DNM2: variants seen among roughly 807,000 people sequenced by gnomAD.
DNM2 encodes dynamin 2.
DNM2 carries 15 observed loss-of-function variants against 99.0 expected under a neutral mutation model. That is an observed-to-expected ratio of 0.15 (90% CI 0.10 to 0.23). DNM2 has a LOEUF of 0.23. DNM2 is among the 10% of genes least tolerant of loss of function. The probability of loss-of-function intolerance (pLI) is 1.00; values close to 1 mark genes in which losing one functional copy is unlikely to be tolerated. For missense variants in DNM2, 742 were observed against 1,189.4 expected, an observed-to-expected ratio of 0.62 and a Z score of 5.53; for synonymous variants, 525 against 481.2, an observed-to-expected ratio of 1.09 and a Z score of -1.19.
chr19:10,757,980 C>T (rs1158270553), intron 1 of DNM2, among the ~76,000 whole-genome samples: 1 of 151,614 alleles, frequency 6.6e-6, no homozygotes, highest in African/African-American at 2.4e-5. Flanking sequence ...AAGAAATTCC[C>T]TGTGCCTAGA....
At chr19:10,752,937 C>T (rs1048988763) in intron 1 of DNM2, among the ~76,000 whole-genome samples, 4 of 152,106 alleles carry the variant, frequency 2.6e-5, no homozygotes, top group Admixed American at 1.3e-4. Flanking sequence ...CACAGTGAGA[C>T]TCTGTCTGTT....
Position 10,820,015 on chromosome 19 carries a change from C to T in DNM2, c.1707C>T (p.Asn569=). 2 of 1,614,192 alleles carry T rather than the reference C, an allele frequency of 1.2e-6. No homozygotes were observed. The highest frequency in any genetic ancestry group is 1.7e-6 in the Non-Finnish European group (2 of 1,180,038). The change falls in exon 16 of 21, where the codon AAC becomes AAT. Residue 569 remains asparagine (N), a synonymous_variant. Transcript: ENST00000389253. The surrounding 1 kb of genome is among the most constrained non-coding windows in gnomAD (Gnocchi z 4.3). ...KEKKYMLPLD[N]LKIRDVEKGF... is the part of the protein sequence containing the mutation. ...AGAAGTACATGCTGCCTCTGGACAA[C>T]CTCAAGATCCGTGATGTGGAGAAGG...
intron 15 of DNM2, among the ~76,000 whole-genome samples, chr19:10,814,314 A>G (rs917336050): frequency 2.6e-5 from 4 of 152,010 alleles, no homozygotes; most frequent in African/African-American, 9.6e-5. Flanking sequence ...AAAATACAAA[A>G]TTAATCTGGC....
At chr19:10,759,336 C>T (rs1244055028) in intron 1 of DNM2, among the ~76,000 whole-genome samples, 3 of 152,184 alleles carry the variant, frequency 2.0e-5, no homozygotes, top group Admixed American at 2.0e-4. Flanking sequence ...GGACATGAAA[C>T]ACATCCTATT....
Position 10,831,165 on chromosome 19 carries a change from G to T in DNM2, c.*118G>T. 1.4e-6 allele frequency: 2 copies of T among 1,444,634 alleles called. No homozygotes were observed. The highest frequency in any genetic ancestry group is 2.7e-5 in the East Asian group (1 of 37,616). The allele number at this position is 1,444,634 out of a possible 1,614,324, so 89.5% of individuals were successfully genotyped here. The stretch of plus-strand genomic sequence containing the variant: ...ACCAGGCTCCCAGTGGGCAGCCCTG[G>T]CCTCTTCCTTAACGCTGGCCCCGGT... On this transcript the variant is annotated 3_prime_UTR_variant, in exon 21 of 21. Transcript: ENST00000389253. The surrounding 1 kb of genome is among the most constrained non-coding windows in gnomAD (Gnocchi z 4.3).
In DNM2 at chr19:10,811,294, C is replaced by T. The variant is rs1276921389; in HGVS notation, c.1558-970C>T. On this transcript the variant is annotated intron_variant, in intron 14 of 20. Coordinates refer to ENST00000389253, the MANE Select transcript of DNM2 (RefSeq NM_001005361.3). This position sits in a 1 kb window ranked among gnomAD's most constrained non-coding sequence, Gnocchi z 5.4. ...TGGCCCTGGTTCAGAATGTCAGGCC[C>T]GGGGTGGGTCGGGGTAGTCCGGATG... 6 of 188,378 alleles carry T rather than the reference C, an allele frequency of 3.2e-5. No homozygotes were observed. Among genetic ancestry groups the T allele is most frequent in the Non-Finnish European group, 3.4e-5 (3 of 88,964 alleles). 11.7% of individuals were successfully genotyped at this position (188,378 alleles called of 1,614,324 possible).
Position 10,812,191 on chromosome 19 carries a change from G to A in DNM2, c.1558-73G>A, listed in dbSNP as rs1214630263. On this transcript the variant is annotated intron_variant, in intron 14 of 20. Coordinates refer to ENST00000389253, the MANE Select transcript of DNM2 (RefSeq NM_001005361.3). The surrounding 1 kb of genome is among the most constrained non-coding windows in gnomAD (Gnocchi z 4.0). ...TCCCTGGCTTCCCACTGAGCTGTGG[G>A]CAAGGCTGCTGCGCTGGGGGATGGC... 1 of 1,365,264 alleles carries A rather than the reference G, an allele frequency of 7.3e-7. No individual in the cohort carries two copies. Among genetic ancestry groups the A allele is most frequent in the Non-Finnish European group, 1.0e-6 (1 of 989,080 alleles). The allele number at this position is 1,365,264 out of a possible 1,614,324, so 84.6% of individuals were successfully genotyped here. A position where few individuals can be genotyped will look rare whatever the true frequency, so the allele number is the denominator to read the frequency against.
At chr19:10,778,847 G>T (rs940510742) in intron 5 of DNM2, among the ~76,000 whole-genome samples, 1 of 152,058 alleles carries the variant, frequency 6.6e-6, no homozygotes, top group Admixed American at 6.6e-5. Context: ...ATTAGATCAG[G>T]TTCAGGTTCA....
rs1038784768 is a variant in DNM2, at chr19:10,817,841, C to T, written c.1672-2139C>T. Among the ~76,000 whole-genome samples, 3 of 149,640 alleles carry T rather than the reference C, an allele frequency of 2.0e-5. No homozygotes were observed. The highest frequency in any genetic ancestry group is 7.4e-5 in the African/African-American group (3 of 40,490). Reference sequence around the variant, plus strand: ...TGCGCGCGCGCGCACGCGTGCGTGCCGGCAGCACCAGGAAGGCGGCCACTG... The same window carrying T: ...TGCGCGCGCGCGCACGCGTGCGTGCTGGCAGCACCAGGAAGGCGGCCACTG... On this transcript the variant is annotated intron_variant, in intron 15 of 20. Transcript: ENST00000389253. The surrounding 1 kb of genome is among the most constrained non-coding windows in gnomAD (Gnocchi z 4.6).
rs907771608 is a variant in DNM2, at chr19:10,732,331, T to A, written c.161+13928T>A. 1.4e-4 allele frequency among the ~76,000 whole-genome samples: 18 copies of A among 130,082 alleles called. No individual in the cohort carries two copies. In the East Asian group the frequency reaches 4.3e-3, roughly 31 times the overall value. The allele number at this position is 130,082 out of a possible 152,430, so 85.3% of individuals were successfully genotyped here. On this transcript the variant is annotated intron_variant, in intron 1 of 20. Coordinates refer to ENST00000389253, the MANE Select transcript of DNM2 (RefSeq NM_001005361.3). Reference sequence around the variant, plus strand: ...AAAAAAAAAAAAACAGGCCGGGCGGTGGCTCATGCCTGTAATCCCAGCACT... The same window carrying A: ...AAAAAAAAAAAAACAGGCCGGGCGGAGGCTCATGCCTGTAATCCCAGCACT...
intron 1 of DNM2, among the ~76,000 whole-genome samples, chr19:10,737,377 C>A (rs1296962346): frequency 6.6e-6 from 1 of 152,124 alleles, no homozygotes; most frequent in Non-Finnish European, 1.5e-5. Context: ...AGGCTCTCCC[C>A]CTGGCCACTC....
At chr19:10,725,445 CAAAAAAA>C (rs35718224) in intron 1 of DNM2, among the ~76,000 whole-genome samples, 2 of 83,992 alleles carry the variant, frequency 2.4e-5, no homozygotes, top group African/African-American at 4.6e-5. Flanking sequence ...GACTCCATCT[CAAAAAAA>C]AAAAAAAAAG....
chr19:10,825,068 G>A lies in DNM2; in HGVS notation c.1905G>A (p.Glu635=), dbSNP rs764989412. The stretch of plus-strand genomic sequence containing the variant: ...CCTCCCGCTTGCAGGCAGAAAACGA[G>A]GATGGGGCCCAGGAGAACACCTTCT... The part of the protein sequence containing the change: ...VYPEKDQAEN[E]DGAQENTFSM... The change falls in exon 18 of 21, where the codon GAG becomes GAA. Residue 635 remains glutamate (E), a synonymous_variant. Coordinates refer to ENST00000389253, the MANE Select transcript of DNM2 (RefSeq NM_001005361.3). 1.9e-6 allele frequency: 3 copies of A among 1,614,126 alleles called. No individual in the cohort carries two copies. The highest frequency in any genetic ancestry group is 2.2e-5 in the South Asian group (2 of 91,084).
chr19:10,793,883 C>G, intron 8 of DNM2, 28 bp downstream of exon 8: 1 of 1,613,980 alleles, frequency 6.2e-7, no homozygotes, highest in Non-Finnish European at 8.5e-7. Context: ...TGGGCCCTCC[C>G]GTCTCTGGTC....
At chr19:10,807,485 C>G (rs2072381892) in intron 13 of DNM2, among the ~76,000 whole-genome samples, 1 of 150,788 alleles carries the variant, frequency 6.6e-6, no homozygotes, top group Admixed American at 6.6e-5. Context: ...GGTGATCCAC[C>G]CGCCTCGGCC....
rs972593385 is a variant in DNM2, at chr19:10,772,740, C to G, written c.385+112C>G. ...TGGGTATCATGTGCCCATTCACAAA[C>G]AGTTGATATTCACACACACATAGCC... is the stretch of plus-strand genomic sequence containing the variant. On this transcript the variant is annotated intron_variant, in intron 3 of 20. Transcript: ENST00000389253. The surrounding 1 kb of genome is among the most constrained non-coding windows in gnomAD (Gnocchi z 4.9). The G allele has an allele frequency of 6.7e-7, 1 of 1,496,812 alleles. No individual in the cohort carries two copies. The highest frequency in any genetic ancestry group is 1.4e-5 in the African/African-American group (1 of 72,414). The allele number at this position is 1,496,812 out of a possible 1,614,324, so 92.7% of individuals were successfully genotyped here.
rs750265864 is a variant in DNM2 at position 10,816,873 on chromosome 19, A to T, written c.1672-3107A>T. On this transcript the variant is annotated intron_variant, in intron 15 of 20. Transcript: ENST00000389253. The surrounding 1 kb of genome is among the most constrained non-coding windows in gnomAD (Gnocchi z 4.6). ...GGGCCCTTCGTGTTTTTCTCATCTGAGAGTTGAAAGCCAGAGCCCCCGACC... is the reference window on the plus strand; with the variant it reads ...GGGCCCTTCGTGTTTTTCTCATCTGTGAGTTGAAAGCCAGAGCCCCCGACC... Among the ~76,000 whole-genome samples, 1 of 152,032 alleles carries T rather than the reference A, an allele frequency of 6.6e-6. No homozygotes were observed. The highest frequency in any genetic ancestry group is 2.1e-4 in the South Asian group (1 of 4,810).
chr19:10,756,169 G>A (rs1374484884), intron 1 of DNM2, among the ~76,000 whole-genome samples: 2 of 152,016 alleles, frequency 1.3e-5, no homozygotes, highest in Non-Finnish European at 2.9e-5. Flanking sequence ...GTGACTTTGG[G>A]GTCTGTCACC....
chr19:10,777,075 T>G (rs777814756), intron 4 of DNM2, 43 bp from the exon 5 acceptor site: 1 of 1,605,292 alleles, frequency 6.2e-7, no homozygotes, highest in East Asian at 2.2e-5. Context: ...TGATGCTCTT[T>G]CCTGGTGGCA....
Sources: gnomAD v4.1 joint callset for allele counts (sites outside exome capture counted in the v4.1 genomes callset) on GRCh38, gnomAD v4.1.1 for gene constraint, Gnocchi (gnomAD v3.1) non-coding constraint, MANE v1.5 for transcripts, NCBI Gene and HGNC (gene_info 2026-07-23, HGNC 2026-07-21) for gene names.